CDH13: variants seen among roughly 807,000 people sequenced by gnomAD.
The protein encoded by CDH13 is cadherin-13.
Under a neutral mutation model 63.8 loss-of-function variants are expected in CDH13, and 24 were observed. The observed-to-expected ratio is 0.38, with a 90% CI of 0.27 to 0.53. The LOEUF is 0.53. CDH13 is among the 20% of genes least tolerant of loss of function. The probability of loss-of-function intolerance (pLI) is 0.85; values close to 1 mark genes in which losing one functional copy is unlikely to be tolerated. For missense variants in CDH13, 1,049 were observed against 903.1 expected, an observed-to-expected ratio of 1.16 and a Z score of -2.07; for synonymous variants, 503 against 355.3, an observed-to-expected ratio of 1.42 and a Z score of -4.67.
At chr16:82,676,566 C>A (rs1306099619) in intron 1 of CDH13, among the ~76,000 whole-genome samples, 1 of 148,042 alleles carries the variant, frequency 6.8e-6, no homozygotes, top group Admixed American at 6.9e-5. Context: ...TTACCTTCTT[C>A]CAATCTTTCT....
At chr16:83,236,597 T>C (rs1256126270) in intron 5 of CDH13, among the ~76,000 whole-genome samples, 1 of 152,132 alleles carries the variant, frequency 6.6e-6, no homozygotes, top group Non-Finnish European at 1.5e-5. Context: ...GAAAAACAGT[T>C]CTGGAGACAG....
At chr16:82,848,145 C>T (rs959090085) in intron 1 of CDH13, among the ~76,000 whole-genome samples, 4 of 152,174 alleles carry the variant, frequency 2.6e-5, no homozygotes, top group African/African-American at 9.7e-5. Context: ...TTCATTGACA[C>T]TAGTAAGGTT....
At chr16:83,791,908 T>A (rs1014525229) in intron 13 of CDH13, among the ~76,000 whole-genome samples, 2 of 151,878 alleles carry the variant, frequency 1.3e-5, no homozygotes, top group Non-Finnish European at 2.9e-5. Flanking sequence ...TAAAACAAAA[T>A]GCATCCGTTG....
At chr16:82,699,430 A>G (rs2030719404) in intron 1 of CDH13, among the ~76,000 whole-genome samples, 1 of 152,130 alleles carries the variant, frequency 6.6e-6, no homozygotes, top group South Asian at 2.1e-4. Flanking sequence ...CCCAGCCCAG[A>G]CTGAGAGGAG....
chr16:82,971,781 C>T (rs987561257), intron 2 of CDH13, among the ~76,000 whole-genome samples: 1 of 152,188 alleles, frequency 6.6e-6, no homozygotes, highest in African/African-American at 2.4e-5. Context: ...TGGATTGTTT[C>T]CCCTTAACTG....
intron 6 of CDH13, among the ~76,000 whole-genome samples, chr16:83,345,516 T>A (rs964800736): frequency 3.3e-5 from 5 of 152,228 alleles, no homozygotes; most frequent in African/African-American, 1.2e-4. Context: ...ATGTTTGATA[T>A]CTCTCTCTGG....
In CDH13 at chr16:82,936,947, G is replaced by C. The variant is rs568471722; in HGVS notation, c.157+78474G>C. Among the ~76,000 whole-genome samples, 22 of 152,218 alleles carry C rather than the reference G, an allele frequency of 1.4e-4. 1 individual carries two copies. The South Asian group carries it at 4.2e-3, about 29-fold the overall frequency. ...CAAGAGTGGAGATACTCCTTTATCA[G>C]GGCCTCTGGGGTCATGGTCCTGGGC... On this transcript the variant is annotated intron_variant, in intron 2 of 13. Coordinates refer to ENST00000567109, the MANE Select transcript of CDH13 (RefSeq NM_001257.5).
At chr16:83,339,866 C>G (rs1285077560) in intron 5 of CDH13, among the ~76,000 whole-genome samples, 3 of 152,204 alleles carry the variant, frequency 2.0e-5, no homozygotes, top group East Asian at 3.8e-4. Context: ...CCTAAAGAAT[C>G]TGATTTTACC....
chr16:82,667,562 C>A (rs1912741154), intron 1 of CDH13, among the ~76,000 whole-genome samples: 2 of 144,218 alleles, frequency 1.4e-5, no homozygotes, highest in South Asian at 4.2e-4. Flanking sequence ...GAAGGAAGCC[C>A]TTGGCAAGGG....
In CDH13 at chr16:82,825,238, A is replaced by G. The variant is rs1834504313; in HGVS notation, c.46-33124A>G. The G allele has an allele frequency of 2.6e-5, 4 of 152,192 alleles. No homozygotes were observed. In the South Asian group the frequency reaches 8.3e-4, roughly 32 times the overall value. The allele number at this position is 152,192 out of a possible 1,614,324, so 9.4% of individuals were successfully genotyped here. A position where few individuals can be genotyped will look rare whatever the true frequency, so the allele number is the denominator to read the frequency against. On this transcript the variant is annotated intron_variant, in intron 1 of 13. Transcript: ENST00000567109. ...TCGATGATTTTAAGAAAATGGTCAG[A>G]CAGCGCAGGCGTGTTTTACCTTAGT... is the stretch of plus-strand genomic sequence containing the variant.
Position 82,644,818 on chromosome 16 carries a change from C to T in CDH13, c.45+17681C>T, listed in dbSNP as rs1399815519. Among the ~76,000 whole-genome samples, 1 of 152,172 alleles carries T rather than the reference C, an allele frequency of 6.6e-6. No homozygotes were observed. The highest frequency in any genetic ancestry group is 1.9e-4 in the East Asian group (1 of 5,190). On this transcript the variant is annotated intron_variant, in intron 1 of 13. Coordinates refer to ENST00000567109, the MANE Select transcript of CDH13 (RefSeq NM_001257.5). The surrounding 1 kb of genome is among the most constrained non-coding windows in gnomAD (Gnocchi z 5.7). ...CCACGTAAGTGTCTGATTCAGTCCT[C>T]CCTGGTCAGTTTTCCAGCATAGCGT...
At position 83,427,028 on chromosome 16, in the gene CDH13, G is replaced by A. The variant is rs113990103; in HGVS notation, c.782-59449G>A. On this transcript the variant is annotated intron_variant, in intron 6 of 13. Coordinates refer to ENST00000567109, the MANE Select transcript of CDH13 (RefSeq NM_001257.5). ...TGCAAGCTCCGCCTCCCAGGTTCAC[G>A]CCATTCTCCTGCCTTAGCCTCCCAG... Among the ~76,000 whole-genome samples, 27 of 135,792 alleles carry A rather than the reference G, an allele frequency of 2.0e-4. 1 individual carries two copies. Among genetic ancestry groups the A allele is most frequent in the East Asian group, 7.0e-4 (3 of 4,282 alleles). 89.1% of individuals were successfully genotyped at this position (135,792 alleles called of 152,430 possible).
intron 4 of CDH13, among the ~76,000 whole-genome samples, chr16:83,156,813 A>G (rs959602096): frequency 2.6e-5 from 4 of 152,236 alleles, no homozygotes; most frequent in East Asian, 1.9e-4. Flanking sequence ...TGGCCATAAT[A>G]TATTTATACT....
chr16:83,517,024 T>C (rs895758386), intron 7 of CDH13, among the ~76,000 whole-genome samples: 5 of 152,196 alleles, frequency 3.3e-5, no homozygotes, highest in African/African-American at 9.6e-5. Context: ...GAAAAAAGTC[T>C]GGATACATTG....
Position 83,621,935 on chromosome 16 carries a change from G to T in CDH13, c.1101+19341G>T, listed in dbSNP as rs987551166. 3.9e-5 allele frequency among the ~76,000 whole-genome samples: 6 copies of T among 152,252 alleles called. No homozygotes were observed. In the East Asian group the frequency reaches 9.7e-4, roughly 25 times the overall value. On this transcript the variant is annotated intron_variant, in intron 8 of 13. Coordinates refer to ENST00000567109, the MANE Select transcript of CDH13 (RefSeq NM_001257.5). ...CCGTCATTTCTTCTCATTATAAAAG[G>T]GTTGGAGGGCTTCTTTCAATAGCCA...
At chr16:83,407,136 G>T (rs901130249) in intron 6 of CDH13, among the ~76,000 whole-genome samples, 1 of 152,172 alleles carries the variant, frequency 6.6e-6, no homozygotes, top group African/African-American at 2.4e-5. Context: ...CTGGGAGCAG[G>T]AAGACTGCAG....
At chr16:82,971,302 A>G (rs891142863) in intron 2 of CDH13, among the ~76,000 whole-genome samples, 4 of 152,094 alleles carry the variant, frequency 2.6e-5, no homozygotes, top group Admixed American at 6.5e-5. Context: ...CTCATTTCCT[A>G]TTCTCACTGT....
intron 7 of CDH13, among the ~76,000 whole-genome samples, chr16:83,488,109 A>G (rs1362051064): frequency 6.6e-6 from 1 of 152,230 alleles, no homozygotes; most frequent in Non-Finnish European, 1.5e-5. Flanking sequence ...TTTAAAGTAT[A>G]TTAATTGAAA....
chr16:83,361,966 C>A (rs2091170685), intron 6 of CDH13, among the ~76,000 whole-genome samples: 2 of 151,946 alleles, frequency 1.3e-5, no homozygotes, highest in Admixed American at 1.3e-4. Context: ...CAAAAATGAT[C>A]TTGGTAGTTT....
Sources: allele counts gnomAD v4.1 joint callset (sites outside exome capture counted in the v4.1 genomes callset), GRCh38; gene constraint gnomAD v4.1.1; non-coding constraint Gnocchi (gnomAD v3.1); transcripts MANE v1.5; gene names NCBI Gene and HGNC (gene_info 2026-07-23, HGNC 2026-07-21).